The following LRRC9 variants were observed in gnomAD, a reference collection of about 807,000 sequenced individuals.
The protein encoded by LRRC9 is leucine-rich repeat-containing protein 9.
LRRC9 carries 122 observed loss-of-function variants against 63.2 expected under a neutral mutation model. That is an observed-to-expected ratio of 1.93 (90% CI 1.67 to 2.24). The LOEUF is 2.24. Ranked by LOEUF, LRRC9 falls within the 30% of genes most tolerant of loss-of-function variation. LRRC9 has a pLI of 0.00. For synonymous variants in LRRC9, 366 were observed against 213.1 expected (o/e 1.72, Z -6.25); for missense variants, 1,071 against 627.7 (o/e 1.71, Z -7.55).
In LRRC9 at chr14:59,938,934, TATATACATATAC is replaced by T. The variant is rs1179107509; in HGVS notation, c.726+366_726+377del. 0.011 allele frequency among the ~76,000 whole-genome samples: 1,394 copies of T among 122,140 alleles called. 79 individuals carry two copies. In the East Asian group the frequency reaches 0.21, roughly 19 times the overall value. 80.1% of individuals were successfully genotyped at this position (122,140 alleles called of 152,430 possible). ...ATACACATATGCATATATATACACA[TATATACATATAC>T]ATACATATATACACACATATATACA... On this transcript the variant is annotated intron_variant, in intron 7 of 31. Coordinates refer to ENST00000445360, the Ensembl canonical transcript of LRRC9. This position sits in a 1 kb window ranked among gnomAD's most constrained non-coding sequence, Gnocchi z 4.2.
At chr14:60,005,024 T>C (rs572976779) in intron 21 of LRRC9, among the ~76,000 whole-genome samples, 1 of 152,248 alleles carries the variant, frequency 6.6e-6, no homozygotes, top group African/African-American at 2.4e-5. Flanking sequence ...TTTATTCATT[T>C]TTGAATTGGA....
chr14:60,040,534 T>C (rs1892857330), intron 29 of LRRC9, among the ~76,000 whole-genome samples: 1 of 151,932 alleles, frequency 6.6e-6, no homozygotes, highest in Non-Finnish European at 1.5e-5. Context: ...TTGTCTATTC[T>C]GATCTTTGTT....
At chr14:60,015,859 G>C (rs989305130) in intron 23 of LRRC9, among the ~76,000 whole-genome samples, 1 of 152,120 alleles carries the variant, frequency 6.6e-6, no homozygotes, top group Non-Finnish European at 1.5e-5. Context: ...ATGAGCACTG[G>C]TGAAAGTCTA....
At chr14:60,000,392 G>A (rs553636514) in intron 19 of LRRC9, among the ~76,000 whole-genome samples, 12 of 152,132 alleles carry the variant, frequency 7.9e-5, no homozygotes, top group African/African-American at 2.9e-4. Flanking sequence ...TCAACATTAC[G>A]AAATGTCTCC....
At chr14:59,997,658 T>C (rs1430398915) in exon 18 of LRRC9, 1 of 692,148 alleles carries the variant, frequency 1.4e-6, no homozygotes, top group African/African-American at 1.8e-5. Flanking sequence ...TGTTGCAGTA[T>C]AACCTTGAAT....
exon 22 of LRRC9, chr14:60,006,604 T>C (rs1889827953): frequency 1.5e-6 from 1 of 675,662 alleles, no homozygotes; most frequent in East Asian, 2.8e-5. Context: ...AATCAGGAGA[T>C]GCACAATTTA....
rs2140327173 is a variant in LRRC9 at position 60,031,204 on chromosome 14, A to G, written c.3922-791A>G. ...GATACTTCCAAAATTAAAATAGTAA[A>G]GATCAGTCATTTTAAAAATCAAATT... On this transcript the variant is annotated intron_variant, in intron 28 of 31. Transcript: ENST00000445360. The surrounding 1 kb of genome is among the most constrained non-coding windows in gnomAD (Gnocchi z 4.6). Among the ~76,000 whole-genome samples the G allele has an allele frequency of 6.6e-6, 1 of 152,182 alleles. No individual in the cohort carries two copies. Among genetic ancestry groups the G allele is most frequent in the Non-Finnish European group, 1.5e-5 (1 of 67,950 alleles).
At chr14:59,983,757 G>A (rs552324328) in intron 16 of LRRC9, among the ~76,000 whole-genome samples, 48 of 152,206 alleles carry the variant, frequency 3.2e-4, no homozygotes, top group Non-Finnish European at 5.9e-4. Context: ...AGCCAAATTA[G>A]GATGGATTTT....
chr14:59,972,681 C>T (rs531036453), intron 12 of LRRC9, among the ~76,000 whole-genome samples: 2 of 152,156 alleles, frequency 1.3e-5, no homozygotes, highest in South Asian at 2.1e-4. Flanking sequence ...GAAACAACTC[C>T]TCTTCTATTT....
Position 59,966,470 on chromosome 14 carries a change from C to A in LRRC9, c.1212-119C>A. The A allele has an allele frequency of 2.2e-6, 1 of 462,830 alleles. No individual in the cohort carries two copies. Among genetic ancestry groups the A allele is most frequent in the Non-Finnish European group, 3.8e-6 (1 of 260,764 alleles). The allele number at this position is 462,830 out of a possible 1,614,324, so 28.7% of individuals were successfully genotyped here. A position where few individuals can be genotyped will look rare whatever the true frequency, so the allele number is the denominator to read the frequency against. ...CGGAGCCACTATATGATTACTGTATCTTTAGCAAAAGACACAAAATATGAG... is the reference window on the plus strand; with the variant it reads ...CGGAGCCACTATATGATTACTGTATATTTAGCAAAAGACACAAAATATGAG... On this transcript the variant is annotated intron_variant, in intron 10 of 31. Coordinates refer to ENST00000445360, the Ensembl canonical transcript of LRRC9. This position sits in a 1 kb window ranked among gnomAD's most constrained non-coding sequence, Gnocchi z 4.0.
rs746990670 is a variant in LRRC9, at chr14:59,960,019, GT to G, written c.1079+8del. ...CTGGAACAAAAAACTAGATGAGTAT[GT>G]TTAATTAATTATCTAGTTGTTCTGA... On this transcript the variant is annotated splice_donor_region_variant and intron_variant, in intron 9 of 31. Transcript: ENST00000445360. The G allele has an allele frequency of 1.7e-4, 112 of 644,256 alleles. No homozygotes were observed. Among genetic ancestry groups the G allele is most frequent in the Non-Finnish European group, 2.8e-4 (99 of 358,364 alleles). The allele number at this position is 644,256 out of a possible 1,614,324, so 39.9% of individuals were successfully genotyped here.
intron 29 of LRRC9, among the ~76,000 whole-genome samples, chr14:60,038,302 G>A (rs1892627957): frequency 6.6e-6 from 1 of 152,188 alleles, no homozygotes; most frequent in Non-Finnish European, 1.5e-5. Flanking sequence ...ATTCTGTGAA[G>A]AAAGTCGTTG....
chr14:60,040,584 C>A (rs998726289), intron 29 of LRRC9, among the ~76,000 whole-genome samples: 1 of 151,810 alleles, frequency 6.6e-6, no homozygotes, highest in African/African-American at 2.4e-5. Context: ...ATTGCAACCC[C>A]TGCATTTTTT....
exon 8 of LRRC9, chr14:59,944,591 C>G (rs930205653): frequency 1.8e-6 from 1 of 552,322 alleles, no homozygotes; most frequent in African/African-American, 2.0e-5. Flanking sequence ...ACTTTTAGAC[C>G]ACAGCAATGA....
At position 59,932,337 on chromosome 14, in the gene LRRC9, A is replaced by G. The variant is rs1299381275; in HGVS notation, c.543+298A>G. 6.6e-6 allele frequency among the ~76,000 whole-genome samples: 1 copy of G among 152,106 alleles called. No individual in the cohort carries two copies. The highest frequency in any genetic ancestry group is 2.4e-5 in the African/African-American group (1 of 41,432). ...TTCATCCTCTCCTAGCATCTAAGAT[A>G]TGGACTGCCCTTGGTCAGTACTGAC... On this transcript the variant is annotated intron_variant, in intron 6 of 31. Coordinates refer to ENST00000445360, the Ensembl canonical transcript of LRRC9. The surrounding 1 kb of genome is among the most constrained non-coding windows in gnomAD (Gnocchi z 4.7).
intron 7 of LRRC9, among the ~76,000 whole-genome samples, chr14:59,943,648 G>A (rs1882030119): frequency 6.6e-6 from 1 of 151,944 alleles, no homozygotes; most frequent in African/African-American, 2.4e-5. Flanking sequence ...TTCTGGCAGG[G>A]GAATTTGGTG....
intron 17 of LRRC9, among the ~76,000 whole-genome samples, chr14:59,995,734 T>C (rs987555618): frequency 3.3e-5 from 5 of 151,190 alleles, no homozygotes; most frequent in Admixed American, 3.3e-4. Context: ...GGTTTTTTTT[T>C]TGTTATATTT....
At chr14:59,980,920 T>C (rs1886859743) in intron 15 of LRRC9, among the ~76,000 whole-genome samples, 1 of 152,288 alleles carries the variant, frequency 6.6e-6, no homozygotes. Context: ...CTTGCCGCTT[T>C]ATGAGCTCTT....
Position 60,003,497 on chromosome 14 carries a change from T to C in LRRC9, c.2665-124T>C. ...ACAGCTTCACAATATCTTTAGCTCCTGAAGGAATTCTTTTGATATCTATTT... is the reference window on the plus strand; with the variant it reads ...ACAGCTTCACAATATCTTTAGCTCCCGAAGGAATTCTTTTGATATCTATTT... On this transcript the variant is annotated intron_variant, in intron 20 of 31. Transcript: ENST00000445360. The surrounding 1 kb of genome is among the most constrained non-coding windows in gnomAD (Gnocchi z 4.2). The C allele has an allele frequency of 9.1e-6, 5 of 550,514 alleles. No individual in the cohort carries two copies. The highest frequency in any genetic ancestry group is 1.6e-5 in the Non-Finnish European group (5 of 315,988). The allele number at this position is 550,514 out of a possible 1,614,324, so 34.1% of individuals were successfully genotyped here. A position where few individuals can be genotyped will look rare whatever the true frequency, so the allele number is the denominator to read the frequency against.
Sources: allele counts gnomAD v4.1 joint callset (sites outside exome capture counted in the v4.1 genomes callset), GRCh38; gene constraint gnomAD v4.1.1; non-coding constraint Gnocchi (gnomAD v3.1); transcripts MANE v1.5; gene names NCBI Gene and HGNC (gene_info 2026-07-23, HGNC 2026-07-21).